Variants in GUCY1A2 observed in about 807,000 individuals in gnomAD.
The protein encoded by GUCY1A2 is guanylate cyclase soluble subunit alpha-2.
A neutral mutation model predicts 63.5 loss-of-function variants in GUCY1A2; 27 were observed. The ratio of observed to expected loss-of-function variants is 0.43; its 90% CI spans 0.31 to 0.59. The LOEUF is 0.59. Ranked by LOEUF, GUCY1A2 falls within the 20% of genes least tolerant of loss-of-function variation. The pLI is 0.11. For synonymous variants in GUCY1A2, 364 were observed against 343.5 expected (o/e 1.06, Z -0.66); for missense variants, 768 against 913.3 (o/e 0.84, Z 2.05).
chr11:106,719,798 A>C (rs897129176), intron 6 of GUCY1A2, among the ~76,000 whole-genome samples: 4 of 152,204 alleles, frequency 2.6e-5, no homozygotes, highest in Non-Finnish European at 5.9e-5. Context: ...TAGGGTTTCT[A>C]ATATGCATCC....
In GUCY1A2 at chr11:106,911,932, C is replaced by T. The variant is rs74977725; in HGVS notation, c.1206+27528G>A. Among the ~76,000 whole-genome samples, 1,126 of 152,026 alleles carry T rather than the reference C, an allele frequency of 7.4e-3. 13 individuals carry two copies. The highest frequency in any genetic ancestry group is 0.026 in the African/African-American group (1,087 of 41,488). ...TGGTATTCCAATTAATCACTTGCAT[C>T]CAATTGTTTGCTCTAATTTTTGAAT... On this transcript the variant is annotated intron_variant, in intron 4 of 7. Transcript: ENST00000526355.
intron 6 of GUCY1A2, among the ~76,000 whole-genome samples, chr11:106,745,834 C>A (rs2135381696): frequency 6.6e-6 from 1 of 152,294 alleles, no homozygotes; most frequent in African/African-American, 2.4e-5. Flanking sequence ...TAGTTCTGTG[C>A]TAATGACAGC....
intron 4 of GUCY1A2, among the ~76,000 whole-genome samples, chr11:106,883,454 G>A (rs1181700101): frequency 6.6e-6 from 1 of 152,006 alleles, no homozygotes; most frequent in Non-Finnish European, 1.5e-5. Context: ...GGACACTGGG[G>A]ATTAAGTTGT....
chr11:106,760,471 A>G (rs1198459370), intron 6 of GUCY1A2, among the ~76,000 whole-genome samples: 4 of 152,224 alleles, frequency 2.6e-5, no homozygotes, highest in African/African-American at 7.2e-5. Context: ...ATGTGAGCAT[A>G]TATTTTTTAT....
chr11:106,750,489 A>G (rs1863864141), intron 6 of GUCY1A2, among the ~76,000 whole-genome samples: 1 of 152,084 alleles, frequency 6.6e-6, no homozygotes, highest in African/African-American at 2.4e-5. Flanking sequence ...CAACAAAACA[A>G]AATATTGAAT....
intron 4 of GUCY1A2, among the ~76,000 whole-genome samples, chr11:106,814,722 C>G (rs1328718472): frequency 2.0e-5 from 3 of 152,018 alleles, no homozygotes; most frequent in South Asian, 2.1e-4. Context: ...CACATAACCT[C>G]TGAAAATTAC....
At chr11:106,795,207 CA>C (rs1394053286) in intron 5 of GUCY1A2, among the ~76,000 whole-genome samples, 1 of 152,110 alleles carries the variant, frequency 6.6e-6, no homozygotes, top group Admixed American at 6.6e-5. Flanking sequence ...ACTTTATCTT[CA>C]ATACCCTTTC....
chr11:106,837,357 G>C (rs1036281895), intron 4 of GUCY1A2, among the ~76,000 whole-genome samples: 25 of 152,112 alleles, frequency 1.6e-4, no homozygotes, highest in Non-Finnish European at 3.5e-4. Context: ...AGTATTCCAT[G>C]GTGTATATGT....
intron 3 of GUCY1A2, among the ~76,000 whole-genome samples, chr11:106,976,844 T>C (rs1310440720): frequency 6.6e-6 from 1 of 152,194 alleles, no homozygotes; most frequent in Admixed American, 6.5e-5. Context: ...CACTGCCTGC[T>C]GTTCTTCTCA....
intron 4 of GUCY1A2, among the ~76,000 whole-genome samples, chr11:106,852,472 T>G (rs1370789819): frequency 6.6e-6 from 1 of 152,110 alleles, no homozygotes; most frequent in African/African-American, 2.4e-5. Context: ...CCTTATTATA[T>G]TGATGTATGC....
chr11:106,714,503 G>A (rs1591244250), intron 6 of GUCY1A2, among the ~76,000 whole-genome samples: 1 of 152,170 alleles, frequency 6.6e-6, no homozygotes, highest in Non-Finnish European at 1.5e-5. Context: ...TGTGCCAAGA[G>A]TATCTAGCAG....
intron 4 of GUCY1A2, among the ~76,000 whole-genome samples, chr11:106,923,121 T>C (rs1396764535): frequency 2.0e-5 from 3 of 152,182 alleles, no homozygotes; most frequent in Non-Finnish European, 4.4e-5. Flanking sequence ...CAGATTATAA[T>C]GACAAGTATA....
intron 6 of GUCY1A2, among the ~76,000 whole-genome samples, chr11:106,725,780 G>A (rs1863397363): frequency 6.6e-6 from 1 of 152,092 alleles, no homozygotes; most frequent in Non-Finnish European, 1.5e-5. Flanking sequence ...AGTAGTCAGT[G>A]ACAGGCATTT....
intron 1 of GUCY1A2, among the ~76,000 whole-genome samples, chr11:107,012,593 C>G (rs189408638): frequency 3.3e-4 from 50 of 152,266 alleles, no homozygotes; most frequent in Admixed American, 3.1e-3. Flanking sequence ...CAGAGGATTA[C>G]TCAAACCGAA....
Position 106,984,012 on chromosome 11 carries a change from T to C in GUCY1A2, c.365+2058A>G, listed in dbSNP as rs145325242. Reference sequence around the variant, plus strand: ...GCTTTCTTGATTGTGAAAAGAGAAATAGAAAGTAGAAAGATGGAGAATAAA... The same window carrying C: ...GCTTTCTTGATTGTGAAAAGAGAAACAGAAAGTAGAAAGATGGAGAATAAA... On this transcript the variant is annotated intron_variant, in intron 2 of 7. Transcript: ENST00000526355. 1.8e-3 allele frequency among the ~76,000 whole-genome samples: 277 copies of C among 152,054 alleles called. 1 individual carries two copies. The highest frequency in any genetic ancestry group is 6.4e-3 in the African/African-American group (264 of 41,468).
chr11:106,788,724 T>C (rs1864608561), intron 5 of GUCY1A2, among the ~76,000 whole-genome samples: 1 of 152,204 alleles, frequency 6.6e-6, no homozygotes, highest in Admixed American at 6.5e-5. Flanking sequence ...GATGTATGGC[T>C]ATATTCTGGG....
At chr11:106,824,455 T>C (rs1858940882) in intron 4 of GUCY1A2, among the ~76,000 whole-genome samples, 1 of 152,154 alleles carries the variant, frequency 6.6e-6, no homozygotes, top group Non-Finnish European at 1.5e-5. Context: ...TGCACTCTGC[T>C]CTTATTTGGT....
At chr11:106,856,266 GGC>G (rs1457578707) in intron 4 of GUCY1A2, among the ~76,000 whole-genome samples, 1 of 151,958 alleles carries the variant, frequency 6.6e-6, no homozygotes, top group Non-Finnish European at 1.5e-5. Context: ...CTGCAGCCTG[GGC>G]GACAGAACAA....
At chr11:106,983,776 C>T (rs181540569) in intron 2 of GUCY1A2, among the ~76,000 whole-genome samples, 11 of 152,276 alleles carry the variant, frequency 7.2e-5, no homozygotes, top group African/African-American at 2.6e-4. Flanking sequence ...CATCTCCTTC[C>T]CACCCTCACC....
Sources: gnomAD v4.1 joint callset for allele counts (sites outside exome capture counted in the v4.1 genomes callset) on GRCh38, gnomAD v4.1.1 for gene constraint, MANE v1.5 for transcripts, NCBI Gene and HGNC (gene_info 2026-07-23, HGNC 2026-07-21) for gene names.